ANKRD30BL: variants seen among roughly 807,000 people sequenced by gnomAD.
ANKRD30BL encodes the protein putative ankyrin repeat domain-containing protein 30B-like.
ANKRD30BL carries 20 observed loss-of-function variants against 18.4 expected under a neutral mutation model. The observed-to-expected ratio is 1.09, with a 90% CI of 0.77 to 1.58. The LOEUF is 1.58. Among genes scored for constraint, ANKRD30BL ranks in the 40% most tolerant of loss-of-function variants. The probability of loss-of-function intolerance (pLI) is 0.00; values close to 1 mark genes in which losing one functional copy is unlikely to be tolerated. For synonymous variants in ANKRD30BL, 72 were observed against 100.9 expected, an observed-to-expected ratio of 0.71 and a Z score of 1.72; for missense variants, 224 against 268.6, an observed-to-expected ratio of 0.83 and a Z score of 1.16.
At chr2:132,181,695 T>A in intron 1 of ANKRD30BL, among the ~76,000 whole-genome samples, 1 of 152,250 alleles carries the variant, frequency 6.6e-6, no homozygotes, top group South Asian at 2.1e-4. Context: ...TAAATGAATA[T>A]GTATTTTGTG....
upstream of ANKRD30BL, among the ~76,000 whole-genome samples, chr2:132,166,430 T>TG (rs914735449): frequency 8.2e-4 from 88 of 107,092 alleles, no homozygotes; most frequent in Admixed American, 3.2e-3. Context: ...CTGGAAACAT[T>TG]GGGGGGGTGA....
intron 1 of ANKRD30BL, among the ~76,000 whole-genome samples, chr2:132,247,782 A>T (rs1573892697): frequency 1.3e-5 from 2 of 152,032 alleles, no homozygotes; most frequent in African/African-American, 4.8e-5. Context: ...CATAGGCCAC[A>T]AACCACTCAC....
intron 4 of ANKRD30BL, among the ~76,000 whole-genome samples, chr2:132,153,852 G>T (rs1687831701): frequency 6.6e-6 from 1 of 152,112 alleles, no homozygotes; most frequent in African/African-American, 2.4e-5. Flanking sequence ...TAAAAGGAAG[G>T]GGTGAAAAGA....
intron 1 of ANKRD30BL, among the ~76,000 whole-genome samples, chr2:132,160,390 G>C (rs77897104): frequency 7.3e-6 from 1 of 137,276 alleles, no homozygotes; most frequent in African/African-American, 2.8e-5. Context: ...CATGAGCCAC[G>C]ACGCCTGGCC....
At chr2:132,166,436 G>T (rs1168234269), upstream of ANKRD30BL, among the ~76,000 whole-genome samples, 4 of 151,868 alleles carry the variant, frequency 2.6e-5, no homozygotes, top group East Asian at 7.8e-4. Flanking sequence ...ACATTGGGGG[G>T]GTGAGGGGGG....
intron 1 of ANKRD30BL, among the ~76,000 whole-genome samples, chr2:132,231,987 T>C (rs866639313): frequency 6.6e-6 from 1 of 152,202 alleles, no homozygotes; most frequent in Non-Finnish European, 1.5e-5. Flanking sequence ...GCTGGAGATC[T>C]GAGAACTGGC....
chr2:132,250,306 T>C (rs1680617419), intron 1 of ANKRD30BL, among the ~76,000 whole-genome samples: 1 of 152,094 alleles, frequency 6.6e-6, no homozygotes, highest in Non-Finnish European at 1.5e-5. Flanking sequence ...CTCGGAAACA[T>C]TCATTATAGT....
At chr2:132,252,347 T>C (rs1423421067) in intron 1 of ANKRD30BL, among the ~76,000 whole-genome samples, 1 of 152,098 alleles carries the variant, frequency 6.6e-6, no homozygotes, top group African/African-American at 2.4e-5. Context: ...TGCCCCGACA[T>C]GGAAGCTCCG....
chr2:132,239,264 T>C (rs1370713236), intron 1 of ANKRD30BL, among the ~76,000 whole-genome samples: 3 of 151,912 alleles, frequency 2.0e-5, no homozygotes, highest in Non-Finnish European at 4.4e-5. Flanking sequence ...GATATTTGGA[T>C]AGCTTTGAGG....
intron 1 of ANKRD30BL, among the ~76,000 whole-genome samples, chr2:132,167,915 T>A (rs1365084170): frequency 6.6e-6 from 1 of 152,226 alleles, no homozygotes; most frequent in Non-Finnish European, 1.5e-5. Flanking sequence ...TCTGTCCACA[T>A]TCTATAATTA....
intron 1 of ANKRD30BL, among the ~76,000 whole-genome samples, chr2:132,224,043 T>C (rs563610676): frequency 9.9e-5 from 15 of 152,228 alleles, no homozygotes. Context: ...GAACCTTTCT[T>C]TTGATAGGGC....
At chr2:132,232,420 G>T (rs1680047918) in intron 1 of ANKRD30BL, among the ~76,000 whole-genome samples, 1 of 152,124 alleles carries the variant, frequency 6.6e-6, no homozygotes, top group South Asian at 2.1e-4. Flanking sequence ...CAAAGGCAAA[G>T]AAGTTGAAAA....
At chr2:132,196,498 T>A (rs2104742788) in intron 1 of ANKRD30BL, among the ~76,000 whole-genome samples, 1 of 151,176 alleles carries the variant, frequency 6.6e-6, no homozygotes, top group African/African-American at 2.4e-5. Flanking sequence ...ATATAAAAAA[T>A]TAAAAGCAGC....
intron 1 of ANKRD30BL, chr2:132,253,006 GA>G: frequency 6.5e-6 from 1 of 152,896 alleles, no homozygotes; most frequent in Non-Finnish European, 1.5e-5. Context: ...GCCGCAGGGG[GA>G]GGGGGAAGGG....
At chr2:132,159,423 G>A (rs201893216) in intron 1 of ANKRD30BL, among the ~76,000 whole-genome samples, 3 of 152,082 alleles carry the variant, frequency 2.0e-5, no homozygotes, top group Admixed American at 6.5e-5. Flanking sequence ...TAGATAGAAA[G>A]CAGTATTTGA....
At chr2:132,161,162 C>G (rs575584432) in intron 1 of ANKRD30BL, among the ~76,000 whole-genome samples, 34 of 150,148 alleles carry the variant, frequency 2.3e-4, no homozygotes, top group African/African-American at 7.9e-4. Flanking sequence ...CCTGTATGTA[C>G]TTAATTTTAT....
rs1450131133 is a variant in ANKRD30BL at position 132,151,033 on chromosome 2, T to C, written c.615-57A>G. Reference sequence around the variant, plus strand: ...TATTTTAACATTGATATAAAAAATATTTACCAAATTTATTACATTCTTAGG... The same window carrying C: ...TATTTTAACATTGATATAAAAAATACTTACCAAATTTATTACATTCTTAGG... On this transcript the variant is annotated intron_variant, in intron 4 of 5. Coordinates refer to ENST00000409867, the MANE Select transcript of ANKRD30BL (RefSeq NM_001358416.1). The C allele has an allele frequency of 2.9e-5, 15 of 517,000 alleles. No individual in the cohort carries two copies. The Admixed American group carries it at 5.3e-4, about 18-fold the overall frequency. The allele number at this position is 517,000 out of a possible 1,614,324, so 32.0% of individuals were successfully genotyped here.
intron 1 of ANKRD30BL, among the ~76,000 whole-genome samples, chr2:132,159,807 G>A (rs1301958723): frequency 6.6e-6 from 1 of 152,062 alleles, no homozygotes; most frequent in Admixed American, 6.6e-5. Flanking sequence ...TTAGAAAGGT[G>A]TTGTCAACAT....
At chr2:132,153,594 T>A (rs771765150) in intron 4 of ANKRD30BL, 11 of 711,932 alleles carry the variant, frequency 1.5e-5, no homozygotes, top group Non-Finnish European at 2.6e-5. Flanking sequence ...CGTTCTGCAA[T>A]CATTCCACAT....
Sources: allele counts gnomAD v4.1 joint callset (sites outside exome capture counted in the v4.1 genomes callset), GRCh38; gene constraint gnomAD v4.1.1; transcripts MANE v1.5; gene names NCBI Gene and HGNC (gene_info 2026-07-23, HGNC 2026-07-21).